The following SMG6 variants were observed in gnomAD, a reference collection of about 807,000 sequenced individuals.
SMG6 encodes SMG6 nonsense mediated mRNA decay factor, also known as telomerase-binding protein EST1A.
SMG6 carries 66 observed loss-of-function variants against 142.2 expected under a neutral mutation model. That is an observed-to-expected ratio of 0.46 (90% CI 0.38 to 0.57). SMG6 has a LOEUF of 0.57. Among genes scored for constraint, SMG6 ranks in the 20% least tolerant of loss-of-function variants. SMG6 has a pLI of 0.00. For missense variants in SMG6, 1,793 were observed against 1,832.0 expected (o/e 0.98, Z 0.39); for synonymous variants, 779 against 702.4 (o/e 1.11, Z -1.72).
rs189540944 is a variant in SMG6, at chr17:2,120,276, C to T, written c.3358-34375G>A. On this transcript the variant is annotated intron_variant, in intron 13 of 18. Coordinates refer to ENST00000263073, the MANE Select transcript of SMG6 (RefSeq NM_017575.5). ...AGAAAATGAATAGGTAAGACACAGG[C>T]TTTGTGAAAATATTCACAAAACATG... 2.0e-4 allele frequency among the ~76,000 whole-genome samples: 31 copies of T among 152,308 alleles called. No homozygotes were observed. In the East Asian group the frequency reaches 5.8e-3, roughly 28 times the overall value.
At chr17:2,223,879 T>C (rs1381261849) in intron 10 of SMG6, among the ~76,000 whole-genome samples, 1 of 152,116 alleles carries the variant, frequency 6.6e-6, no homozygotes, top group Non-Finnish European at 1.5e-5. Context: ...CCACCCTGGA[T>C]GTAGGTGCCC....
At chr17:2,204,277 A>G (rs1375384797) in intron 10 of SMG6, among the ~76,000 whole-genome samples, 1 of 152,242 alleles carries the variant, frequency 6.6e-6, no homozygotes, top group Non-Finnish European at 1.5e-5. Flanking sequence ...TCCAGAATGT[A>G]AAGATTAGAG....
At chr17:2,222,438 GAGTCCCC>G (rs2073197144) in intron 10 of SMG6, among the ~76,000 whole-genome samples, 1 of 151,248 alleles carries the variant, frequency 6.6e-6, no homozygotes, top group South Asian at 2.1e-4. Flanking sequence ...AAAGGTGGGA[GAGTCCCC>G]AGCTTAGCAG....
intron 6 of SMG6, among the ~76,000 whole-genome samples, chr17:2,289,594 G>A (rs899040022): frequency 5.9e-5 from 9 of 152,042 alleles, no homozygotes; most frequent in African/African-American, 1.9e-4. Flanking sequence ...TGGGTAAGAG[G>A]ATAAATTCTA....
chr17:2,132,925 G>A (rs1341846362), intron 13 of SMG6, among the ~76,000 whole-genome samples: 1 of 152,176 alleles, frequency 6.6e-6, no homozygotes, highest in East Asian at 1.9e-4. Flanking sequence ...GGGACTACAG[G>A]CACGTGCTAC....
chr17:2,181,419 G>A (rs1003507532), intron 12 of SMG6, among the ~76,000 whole-genome samples: 5 of 152,180 alleles, frequency 3.3e-5, no homozygotes, highest in Non-Finnish European at 5.9e-5. Context: ...GCTTAAACTC[G>A]CATTCCAGAG....
At chr17:2,141,416 G>A (rs184708742) in intron 13 of SMG6, among the ~76,000 whole-genome samples, 1 of 152,284 alleles carries the variant, frequency 6.6e-6, no homozygotes, top group East Asian at 1.9e-4. Flanking sequence ...GGAATTACAG[G>A]AAGGCAGGCT....
intron 8 of SMG6, among the ~76,000 whole-genome samples, chr17:2,258,029 A>AT (rs1367415804): frequency 0.017 from 1,497 of 86,976 alleles, 81 homozygotes; most frequent in South Asian, 0.027. Flanking sequence ...AAAAAAAAAA[A>AT]AAAAAATATA....
intron 13 of SMG6, among the ~76,000 whole-genome samples, chr17:2,089,320 T>C (rs1280084868): frequency 6.6e-6 from 1 of 151,990 alleles, no homozygotes; most frequent in Non-Finnish European, 1.5e-5. Context: ...GGGGCTGGAC[T>C]GGGGATAGAG....
chr17:2,248,389 T>G (rs2073969715), intron 8 of SMG6, among the ~76,000 whole-genome samples: 1 of 152,144 alleles, frequency 6.6e-6, no homozygotes. Flanking sequence ...CCTGATTAGG[T>G]AGGAAACTCA....
At chr17:2,266,923 G>A (rs575747760) in intron 8 of SMG6, among the ~76,000 whole-genome samples, 1 of 152,150 alleles carries the variant, frequency 6.6e-6, no homozygotes, top group Non-Finnish European at 1.5e-5. Context: ...TGAAAAACCC[G>A]GTTCTGGTTC....
At chr17:2,226,106 T>C (rs1433407440) in intron 10 of SMG6, among the ~76,000 whole-genome samples, 3 of 151,892 alleles carry the variant, frequency 2.0e-5, no homozygotes, top group Non-Finnish European at 4.4e-5. Flanking sequence ...AGAAACCCTG[T>C]TTCTACTAAA....
intron 13 of SMG6, among the ~76,000 whole-genome samples, chr17:2,156,108 G>C (rs1440930063): frequency 6.7e-6 from 1 of 150,290 alleles, no homozygotes; most frequent in African/African-American, 2.4e-5. Flanking sequence ...ATAGAGCTCA[G>C]GCCGGGTGCC....
At chr17:2,273,875 G>C (rs1392032629) in intron 8 of SMG6, among the ~76,000 whole-genome samples, 1 of 152,142 alleles carries the variant, frequency 6.6e-6, no homozygotes, top group African/African-American at 2.4e-5. Flanking sequence ...TTGAAGGAAT[G>C]TAATTCTGTA....
chr17:2,178,358 A>G (rs1196411640), intron 12 of SMG6, among the ~76,000 whole-genome samples: 1 of 152,204 alleles, frequency 6.6e-6, no homozygotes, highest in African/African-American at 2.4e-5. Flanking sequence ...TCCTCTAAGA[A>G]TAAGAGATGT....
At chr17:2,147,612 C>T (rs1327534265) in intron 13 of SMG6, among the ~76,000 whole-genome samples, 1 of 152,034 alleles carries the variant, frequency 6.6e-6, no homozygotes, top group Non-Finnish European at 1.5e-5. Flanking sequence ...CACCTTAATG[C>T]TCAAGCATTC....
At chr17:2,185,820 CAG>C (rs755288437) in intron 12 of SMG6, among the ~76,000 whole-genome samples, 1 of 152,070 alleles carries the variant, frequency 6.6e-6, no homozygotes, top group Non-Finnish European at 1.5e-5. Context: ...GGTGAGAAGA[CAG>C]GGCATGAGTG....
In SMG6 at chr17:2,198,950, TAAAAAAAAAA is replaced by T. The variant is rs55660022; in HGVS notation, c.2870-10445_2870-10436del. Among the ~76,000 whole-genome samples the T allele has an allele frequency of 3.8e-4, 39 of 102,134 alleles. 1 individual carries two copies. In the Middle Eastern group the frequency reaches 0.017, roughly 45 times the overall value. 67.0% of individuals were successfully genotyped at this position (102,134 alleles called of 152,430 possible). A position where few individuals can be genotyped will look rare whatever the true frequency, so the allele number is the denominator to read the frequency against. On this transcript the variant is annotated intron_variant, in intron 10 of 18. Transcript: ENST00000263073. ...AACCAGAAGGAAAATAAAATAAAAT[TAAAAAAAAAA>T]AAAAAAAAAAAAAAGAAAAGTTCAC...
chr17:2,250,080 A>G (rs1712659055), intron 8 of SMG6, among the ~76,000 whole-genome samples: 1 of 152,238 alleles, frequency 6.6e-6, no homozygotes, highest in African/African-American at 2.4e-5. Context: ...GTTTTACACA[A>G]GCCTTGAAAG....
Sources: allele counts gnomAD v4.1 joint callset (sites outside exome capture counted in the v4.1 genomes callset), GRCh38; gene constraint gnomAD v4.1.1; transcripts MANE v1.5; gene names NCBI Gene and HGNC (gene_info 2026-07-23, HGNC 2026-07-21).